The following NDUFA13 variants were observed in gnomAD, a reference collection of about 807,000 sequenced individuals.
The protein encoded by NDUFA13 is NADH:ubiquinone oxidoreductase subunit A13.
NDUFA13 carries 16 observed loss-of-function variants against 17.0 expected under a neutral mutation model. The ratio of observed to expected loss-of-function variants is 0.94; its 90% CI spans 0.64 to 1.43. NDUFA13 has a LOEUF of 1.43. NDUFA13 is among the 40% of genes most tolerant of loss of function. NDUFA13 has a pLI of 0.00. For synonymous variants in NDUFA13, 87 were observed against 78.4 expected (o/e 1.11, Z -0.58); for missense variants, 228 against 206.7 (o/e 1.10, Z -0.63).
At chr19:19,522,460 C>T (rs1018740152) in intron 1 of NDUFA13, among the ~76,000 whole-genome samples, 4 of 137,588 alleles carry the variant, frequency 2.9e-5, no homozygotes, top group East Asian at 4.2e-4. Context: ...TCAGCTCTTA[C>T]GCTTAGGTCT....
In NDUFA13 at chr19:19,528,006, G is replaced by C. The variant is rs2061113174; in HGVS notation, c.316-1G>C. The C allele has an allele frequency of 1.9e-6, 3 of 1,612,504 alleles. No individual in the cohort carries two copies. Among genetic ancestry groups the C allele is most frequent in the Admixed American group, 3.3e-5 (2 of 59,970 alleles). Reference sequence around the variant, plus strand: ...CTACCCATACCCCACTGTCCCCACAGGTGGGGGAGTCTGTGTTCCACACAA... The same window carrying C: ...CTACCCATACCCCACTGTCCCCACACGTGGGGGAGTCTGTGTTCCACACAA... On this transcript the variant is annotated splice_acceptor_variant, in intron 4 of 4. Transcript: ENST00000507754. LOFTEE classifies it high-confidence loss of function.
At chr19:19,526,099 A>AT in intron 1 of NDUFA13, 83 bp from the exon 2 acceptor site, 1 of 1,573,970 alleles carries the variant, frequency 6.4e-7, no homozygotes, top group Middle Eastern at 1.7e-4. Context: ...GTGTCCCCTG[A>AT]TTGCAGAGTG....
intron 1 of NDUFA13, among the ~76,000 whole-genome samples, chr19:19,519,992 T>A (rs1397885645): frequency 6.7e-6 from 1 of 148,986 alleles, no homozygotes; most frequent in African/African-American, 2.5e-5. Flanking sequence ...TTTTTTTTTT[T>A]GAGACAGAGT....
rs773328284 is a variant in NDUFA13, at chr19:19,526,211, A to T, written c.124A>T (p.Thr42Ser). The T allele has an allele frequency of 5.1e-5, 83 of 1,613,980 alleles. No individual in the cohort carries two copies. Among genetic ancestry groups the T allele is most frequent in the Non-Finnish European group, 6.8e-5 (80 of 1,180,006 alleles). ...CAGCATGCTGGCCATAGGGATTGGA[A>T]CCCTGATCTACGGGCACTGGAGCAT... ...GYSMLAIGIG[T>S]LIYGHWSIMK... The change falls in exon 2 of 5, where the codon ACC becomes TCC. Residue 42 changes from threonine (T) to serine (S), a missense_variant. Coordinates refer to ENST00000507754, the MANE Select transcript of NDUFA13 (RefSeq NM_015965.7).
intron 1 of NDUFA13, chr19:19,525,960 C>G: frequency 7.2e-7 from 1 of 1,381,966 alleles, no homozygotes. Flanking sequence ...ACCTGGGGCC[C>G]CCCTAGCAAC....
chr19:19,526,612 A>G (rs532097516), intron 2 of NDUFA13: 35 of 371,300 alleles, frequency 9.4e-5, no homozygotes, highest in Non-Finnish European at 1.7e-4. Flanking sequence ...AGATTAGGAC[A>G]GGATATGAGT....
intron 1 of NDUFA13, among the ~76,000 whole-genome samples, 169 bp downstream of exon 1, chr19:19,516,501 T>G (rs16996127): frequency 0.23 from 35,292 of 152,132 alleles, 5,443 homozygotes; most frequent in African/African-American, 0.44. Context: ...TTTGTTGAGG[T>G]CTTTCCCAGC....
intron 1 of NDUFA13, among the ~76,000 whole-genome samples, chr19:19,517,510 C>T (rs1187481497): frequency 6.6e-6 from 1 of 152,138 alleles, no homozygotes; most frequent in Non-Finnish European, 1.5e-5. Flanking sequence ...CCGTGCTCGG[C>T]AGAATGCATG....
At chr19:19,525,235 C>A (rs2061094828) in intron 1 of NDUFA13, among the ~76,000 whole-genome samples, 1 of 152,262 alleles carries the variant, frequency 6.6e-6, no homozygotes, top group Non-Finnish European at 1.5e-5. Flanking sequence ...GGGCTTCTAA[C>A]AGGTTAAATA....
At chr19:19,525,820 C>G (rs1473178239) in intron 1 of NDUFA13, among the ~76,000 whole-genome samples, 2 of 152,174 alleles carry the variant, frequency 1.3e-5, no homozygotes, top group African/African-American at 4.8e-5. Flanking sequence ...CTGTGTGCAG[C>G]CCCCGCAGGG....
Position 19,527,766 on chromosome 19 carries a change from G to A in NDUFA13, c.311G>A (p.Trp104Ter). 1 of 1,552,612 alleles carries A rather than the reference G, an allele frequency of 6.4e-7. No individual in the cohort carries two copies. The highest frequency in any genetic ancestry group is 8.7e-7 in the Non-Finnish European group (1 of 1,147,424). The change falls in exon 4 of 5, where the codon TGG (tryptophan) becomes TAG (stop). Residue 104 changes from tryptophan (W) to a stop codon, truncating the protein, a stop_gained. Transcript: ENST00000507754. LOFTEE classifies it low-confidence loss of function (END_TRUNC). ...ATCATCATGAAGGACGTGCCCGACT[G>A]GAAGGTGGGTCCCGGCTGGGAGGGC... ...EAIIMKDVPD[W>*]KVGESVFHTT...
In NDUFA13 at chr19:19,528,179, T is replaced by A; in HGVS notation, c.*53T>A. On this transcript the variant is annotated 3_prime_UTR_variant, in exon 5 of 5. Coordinates refer to ENST00000507754, the MANE Select transcript of NDUFA13 (RefSeq NM_015965.7). ...CCTGCCCCTCCCCACTGGGACGGAA[T>A]AAATGCTCTGCAGACCTGGCCTGCC... The A allele has an allele frequency of 6.2e-7, 1 of 1,606,418 alleles. No homozygotes were observed. Among genetic ancestry groups the A allele is most frequent in the South Asian group, 1.1e-5 (1 of 90,584 alleles).
At chr19:19,520,545 G>A (rs754149787) in intron 1 of NDUFA13, among the ~76,000 whole-genome samples, 20 of 152,162 alleles carry the variant, frequency 1.3e-4, no homozygotes, top group African/African-American at 4.6e-4. Flanking sequence ...CAGGAGAATC[G>A]CTTGAACCTG....
chr19:19,524,248 G>A (rs1039389365), intron 1 of NDUFA13, among the ~76,000 whole-genome samples: 4 of 152,270 alleles, frequency 2.6e-5, no homozygotes, highest in South Asian at 2.1e-4. Context: ...TTGGCGAGGA[G>A]GAAGAGCCCT....
At chr19:19,526,613 G>A (rs2061100834) in intron 2 of NDUFA13, 5 of 370,594 alleles carry the variant, frequency 1.3e-5, no homozygotes, top group Non-Finnish European at 2.6e-5. Context: ...GATTAGGACA[G>A]GATATGAGTG....
At chr19:19,526,732 G>GC (rs1486130059) in intron 2 of NDUFA13, 4 of 290,146 alleles carry the variant, frequency 1.4e-5, no homozygotes, top group East Asian at 1.9e-4. Flanking sequence ...AGGGCCAGGC[G>GC]CCCCCCTCTC....
At chr19:19,517,442 G>A (rs893114292) in intron 1 of NDUFA13, among the ~76,000 whole-genome samples, 3 of 150,114 alleles carry the variant, frequency 2.0e-5, no homozygotes, top group Non-Finnish European at 4.5e-5. Flanking sequence ...GAAGTCCTGG[G>A]CTCAAGTGAT....
Position 19,523,917 on chromosome 19 carries a change from G to A in NDUFA13, c.95-2265G>A, listed in dbSNP as rs569994257. ...TGCACTTTAGCCTGGGCTACAGAGC[G>A]AGACTTTGTCTCAAAAAATAAAATA... is the stretch of plus-strand genomic sequence containing the variant. On this transcript the variant is annotated intron_variant, in intron 1 of 4. Transcript: ENST00000507754. Among the ~76,000 whole-genome samples, 6 of 152,298 alleles carry A rather than the reference G, an allele frequency of 3.9e-5. No individual in the cohort carries two copies. In the South Asian group the frequency reaches 1.0e-3, roughly 26 times the overall value.
intron 2 of NDUFA13, among the ~76,000 whole-genome samples, chr19:19,526,932 G>A (rs2061102457): frequency 6.6e-6 from 1 of 152,220 alleles, no homozygotes; most frequent in Non-Finnish European, 1.5e-5. Flanking sequence ...AGGGGACGTG[G>A]TTTTGTGAGG....
Sources: gnomAD v4.1 joint callset for allele counts (sites outside exome capture counted in the v4.1 genomes callset) on GRCh38, gnomAD v4.1.1 for gene constraint, MANE v1.5 for transcripts, NCBI Gene and HGNC (gene_info 2026-07-23, HGNC 2026-07-21) for gene names.